The following BMPR1B variants were observed in gnomAD, a reference collection of about 807,000 sequenced individuals.
BMPR1B encodes the protein bone morphogenetic protein receptor type 1B.
BMPR1B carries 12 observed loss-of-function variants against 59.1 expected under a neutral mutation model. The ratio of observed to expected loss-of-function variants is 0.20; its 90% CI spans 0.13 to 0.33. The LOEUF is 0.33. Ranked by LOEUF, BMPR1B falls within the 10% of genes least tolerant of loss-of-function variation. The probability of loss-of-function intolerance (pLI) is 1.00; values close to 1 mark genes in which losing one functional copy is unlikely to be tolerated. For synonymous variants in BMPR1B, 237 were observed against 207.3 expected (o/e 1.14, Z -1.23); for missense variants, 550 against 610.9 (o/e 0.90, Z 1.05).
chr4:95,027,084 T>C (rs1724480060), intron 3 of BMPR1B, among the ~76,000 whole-genome samples: 1 of 152,012 alleles, frequency 6.6e-6, no homozygotes, highest in Admixed American at 6.6e-5. Flanking sequence ...CTTAACTAAA[T>C]TTTTCACGTT....
At chr4:95,008,235 G>C (rs1722986398) in intron 3 of BMPR1B, among the ~76,000 whole-genome samples, 1 of 152,184 alleles carries the variant, frequency 6.6e-6, no homozygotes, top group South Asian at 2.1e-4. Flanking sequence ...TGACTATGTA[G>C]AGTTATATAA....
intron 1 of BMPR1B, among the ~76,000 whole-genome samples, chr4:94,846,208 G>A (rs1725319675): frequency 6.6e-6 from 1 of 152,134 alleles, no homozygotes; most frequent in Non-Finnish European, 1.5e-5. Context: ...AACACACATT[G>A]GGGAAAAGCC....
chr4:95,014,286 CA>C (rs1253197081), intron 3 of BMPR1B, among the ~76,000 whole-genome samples: 4 of 152,136 alleles, frequency 2.6e-5, no homozygotes, highest in African/African-American at 9.7e-5. Context: ...ATTATCTCAG[CA>C]TCCAAACTCA....
At chr4:94,998,334 G>A (rs141274961) in intron 3 of BMPR1B, among the ~76,000 whole-genome samples, 1 of 150,526 alleles carries the variant, frequency 6.6e-6, no homozygotes, top group Non-Finnish European at 1.5e-5. Context: ...CTGCCCTAGA[G>A]TCATATTTGT....
At chr4:94,900,256 T>G (rs914614334) in intron 2 of BMPR1B, among the ~76,000 whole-genome samples, 10 of 151,450 alleles carry the variant, frequency 6.6e-5, no homozygotes, top group Non-Finnish European at 1.5e-5. Context: ...TGTGTATAAC[T>G]TGAACCTAAG....
rs369410807 is a variant in BMPR1B, at chr4:95,125,156, T to G, written c.585+35T>G. The G allele has an allele frequency of 2.5e-6, 4 of 1,612,076 alleles. No individual in the cohort carries two copies. The East Asian group carries it at 6.7e-5, about 27-fold the overall frequency. ...GAACACATCTTGAATTTAAAGGAAA[T>G]GTTTTCTGAAAGAACTGTCAATGAA... On this transcript the variant is annotated intron_variant, in intron 8 of 12. Coordinates refer to ENST00000515059, the MANE Select transcript of BMPR1B (RefSeq NM_001203.3).
At chr4:95,047,948 T>A (rs1345756618) in intron 3 of BMPR1B, among the ~76,000 whole-genome samples, 1 of 152,174 alleles carries the variant, frequency 6.6e-6, no homozygotes, top group Non-Finnish European at 1.5e-5. Flanking sequence ...GGAGCCTGCG[T>A]GTCTCCTTCC....
intron 1 of BMPR1B, among the ~76,000 whole-genome samples, chr4:94,815,504 ATTTC>A (rs1265069383): frequency 2.6e-5 from 4 of 152,178 alleles, no homozygotes; most frequent in Admixed American, 2.0e-4. Context: ...ATCTTACCAA[ATTTC>A]TTTCACAACG....
At chr4:94,922,960 A>C (rs116733205) in intron 2 of BMPR1B, among the ~76,000 whole-genome samples, 1 of 152,256 alleles carries the variant, frequency 6.6e-6, no homozygotes, top group Admixed American at 6.5e-5. Flanking sequence ...CGAAGAGCCA[A>C]ATTGGATAGA....
intron 3 of BMPR1B, among the ~76,000 whole-genome samples, chr4:95,001,461 C>T (rs1473643402): frequency 1.3e-5 from 2 of 152,102 alleles, no homozygotes; most frequent in African/African-American, 4.8e-5. Flanking sequence ...CTGAATTGCC[C>T]TATTCTGTCT....
At chr4:95,029,016 ATCTG>A (rs1724621682) in intron 3 of BMPR1B, among the ~76,000 whole-genome samples, 2 of 151,054 alleles carry the variant, frequency 1.3e-5, no homozygotes, top group African/African-American at 4.9e-5. Context: ...ATGATCTCTT[ATCTG>A]TGTCTCGCCA....
At chr4:95,074,589 C>T (rs1268582451) in intron 3 of BMPR1B, among the ~76,000 whole-genome samples, 1 of 152,014 alleles carries the variant, frequency 6.6e-6, no homozygotes, top group Non-Finnish European at 1.5e-5. Context: ...CTTCCAGCTA[C>T]CTTGGACTGC....
chr4:95,111,281 T>C (rs1731616639), intron 4 of BMPR1B, among the ~76,000 whole-genome samples: 1 of 152,118 alleles, frequency 6.6e-6, no homozygotes, highest in South Asian at 2.1e-4. Context: ...TTTATGAAGA[T>C]CTAAACTGTT....
intron 2 of BMPR1B, among the ~76,000 whole-genome samples, chr4:94,897,941 C>CTTTTTTTT (rs869186341): frequency 2.8e-4 from 25 of 90,328 alleles, no homozygotes; most frequent in Middle Eastern, 9.6e-3. Flanking sequence ...AATTCTTTTC[C>CTTTTTTTT]TTTTTTTTTT....
chr4:94,981,246 C>T (rs763021480), intron 2 of BMPR1B, among the ~76,000 whole-genome samples: 3 of 151,156 alleles, frequency 2.0e-5, no homozygotes, highest in Non-Finnish European at 4.4e-5. Context: ...CTCTATTGCC[C>T]AGTTTGGAGT....
intron 1 of BMPR1B, among the ~76,000 whole-genome samples, chr4:94,783,849 G>C (rs890725158): frequency 6.6e-6 from 1 of 152,158 alleles, no homozygotes; most frequent in Non-Finnish European, 1.5e-5. Flanking sequence ...TTGTAGTTTA[G>C]AGCTGGGGGG....
At chr4:94,769,687 C>G (rs1722099561) in intron 1 of BMPR1B, among the ~76,000 whole-genome samples, 1 of 151,736 alleles carries the variant, frequency 6.6e-6, no homozygotes, top group South Asian at 2.1e-4. Context: ...GTGGGAAAGA[C>G]AAAATGAGAA....
chr4:94,858,356 G>C lies in BMPR1B; in HGVS notation c.-182-17475G>C, dbSNP rs1725851490. 2.0e-5 allele frequency among the ~76,000 whole-genome samples: 3 copies of C among 152,214 alleles called. No homozygotes were observed. In the South Asian group the frequency reaches 6.2e-4, roughly 32 times the overall value. On this transcript the variant is annotated intron_variant, in intron 1 of 12. Coordinates refer to ENST00000515059, the MANE Select transcript of BMPR1B (RefSeq NM_001203.3). The stretch of plus-strand genomic sequence containing the variant: ...ATTTCAATAGAAATGCAATGCTTTT[G>C]TTATAAAAATATATAGCAAGTAAAA...
intron 3 of BMPR1B, among the ~76,000 whole-genome samples, chr4:95,042,385 T>G (rs1244319207): frequency 2.0e-5 from 3 of 152,198 alleles, no homozygotes; most frequent in Non-Finnish European, 4.4e-5. Context: ...ACCTTTGTTC[T>G]CTTATGGCTT....
Sources: allele counts gnomAD v4.1 joint callset (sites outside exome capture counted in the v4.1 genomes callset), GRCh38; gene constraint gnomAD v4.1.1; transcripts MANE v1.5; gene names NCBI Gene and HGNC (gene_info 2026-07-23, HGNC 2026-07-21).